NETO1: variants seen among roughly 807,000 people sequenced by gnomAD.
NETO1 encodes neuropilin and tolloid like 1.
A neutral mutation model predicts 61.3 loss-of-function variants in NETO1; 26 were observed. The ratio of observed to expected loss-of-function variants is 0.42; its 90% CI spans 0.31 to 0.59. The LOEUF is 0.59. NETO1 is among the 20% of genes least tolerant of loss of function. The probability of loss-of-function intolerance (pLI) is 0.12; values close to 1 mark genes in which losing one functional copy is unlikely to be tolerated. For synonymous variants in NETO1, 225 were observed against 225.8 expected (o/e 1.00, Z 0.03); for missense variants, 531 against 662.8 (o/e 0.80, Z 2.18).
chr18:72,860,116 C>G (rs1185620286), intron 3 of NETO1, among the ~76,000 whole-genome samples: 1 of 152,184 alleles, frequency 6.6e-6, no homozygotes, highest in East Asian at 1.9e-4. Context: ...TCTGGCATCT[C>G]AGACTTACAT....
intron 7 of NETO1, among the ~76,000 whole-genome samples, chr18:72,769,617 C>T (rs1022681784): frequency 9.9e-5 from 15 of 152,062 alleles, no homozygotes; most frequent in Non-Finnish European, 4.4e-5. Flanking sequence ...GCAAAAATAT[C>T]GTCACCCAAA....
intron 4 of NETO1, among the ~76,000 whole-genome samples, chr18:72,857,805 T>C (rs1008793347): frequency 3.3e-5 from 5 of 152,194 alleles, no homozygotes; most frequent in Non-Finnish European, 7.4e-5. Context: ...AAAACATTCC[T>C]AATGCTTAAA....
intron 4 of NETO1, among the ~76,000 whole-genome samples, chr18:72,801,493 T>C (rs996753327): frequency 6.6e-6 from 1 of 152,204 alleles, no homozygotes; most frequent in Non-Finnish European, 1.5e-5. Context: ...AGTATGTGAA[T>C]GTATTTTCAA....
chr18:72,828,620 T>C (rs897429252), intron 4 of NETO1, among the ~76,000 whole-genome samples: 1 of 152,210 alleles, frequency 6.6e-6, no homozygotes, highest in African/African-American at 2.4e-5. Context: ...TTGAAGTCAC[T>C]GATCTAGAAG....
chr18:72,770,341 A>G (rs1021504696), intron 7 of NETO1, among the ~76,000 whole-genome samples: 1 of 151,886 alleles, frequency 6.6e-6, no homozygotes, highest in Non-Finnish European at 1.5e-5. Context: ...CAACTTTTCC[A>G]TATTTATTTT....
intron 7 of NETO1, among the ~76,000 whole-genome samples, chr18:72,764,827 T>A (rs1019433128): frequency 1.1e-4 from 16 of 152,146 alleles, no homozygotes; most frequent in African/African-American, 3.9e-4. Context: ...CCCTCAGGTG[T>A]TCAGGCGAAA....
intron 4 of NETO1, among the ~76,000 whole-genome samples, chr18:72,837,615 TTATAA>T (rs2073792235): frequency 6.6e-6 from 1 of 152,200 alleles, no homozygotes; most frequent in African/African-American, 2.4e-5. Flanking sequence ...ATTTTCTTAA[TTATAA>T]TATAGGAATA....
intron 7 of NETO1, among the ~76,000 whole-genome samples, chr18:72,758,029 A>C (rs182191774): frequency 6.8e-6 from 1 of 147,962 alleles, no homozygotes; most frequent in Non-Finnish European, 1.5e-5. Context: ...GAGTTGGAAA[A>C]ATTATTATAA....
In NETO1 at chr18:72,842,390, T is replaced by C. The variant is rs532909972; in HGVS notation, c.469+16436A>G. Among the ~76,000 whole-genome samples the C allele has an allele frequency of 2.6e-5, 4 of 152,248 alleles. 1 individual carries two copies. Among genetic ancestry groups the C allele is most frequent in the African/African-American group, 9.6e-5 (4 of 41,552 alleles). ...TTTATAAGCACTGTTATTGCTAATA[T>C]TGATTATTATTTTTGATGGCTAATA... is the stretch of plus-strand genomic sequence containing the variant. On this transcript the variant is annotated intron_variant, in intron 4 of 10. Coordinates refer to ENST00000327305, the MANE Select transcript of NETO1 (RefSeq NM_138966.5).
chr18:72,750,475 T>C lies in NETO1; in HGVS notation c.1128A>G (p.Lys376=). ...KQPRKKYVQR[K]SDFDQTVFQE... ...GGAAAACTGTCTGGTCAAAGTCTGA[T>C]TTCCTTTGGACATACTTTTTACGAG... Residue 376 remains lysine (K), a synonymous_variant, in exon 9 of 11, where the codon AAA becomes AAG. Transcript: ENST00000327305. The C allele has an allele frequency of 6.2e-7, 1 of 1,614,176 alleles. No individual in the cohort carries two copies. Among genetic ancestry groups the C allele is most frequent in the East Asian group, 2.2e-5 (1 of 44,878 alleles).
intron 4 of NETO1, among the ~76,000 whole-genome samples, chr18:72,829,299 C>T (rs922896982): frequency 1.3e-5 from 2 of 152,110 alleles, no homozygotes; most frequent in Admixed American, 1.3e-4. Context: ...AAAATGCAAA[C>T]TTTCCTCAAG....
intron 4 of NETO1, among the ~76,000 whole-genome samples, chr18:72,824,512 A>C (rs1418245810): frequency 6.6e-6 from 1 of 152,244 alleles, no homozygotes; most frequent in Non-Finnish European, 1.5e-5. Flanking sequence ...TCACATGAGA[A>C]TAGTTCCCAA....
At chr18:72,815,767 T>A (rs745636218) in intron 4 of NETO1, among the ~76,000 whole-genome samples, 2 of 152,016 alleles carry the variant, frequency 1.3e-5, no homozygotes, top group Non-Finnish European at 2.9e-5. Context: ...CTGAGTAGGG[T>A]TTGAAAGACT....
At chr18:72,752,731 A>G (rs1216281129) in intron 8 of NETO1, among the ~76,000 whole-genome samples, 25 of 152,198 alleles carry the variant, frequency 1.6e-4, no homozygotes, top group Admixed American at 1.6e-3. Flanking sequence ...CAATATGTCT[A>G]AGGAACTAAA....
At chr18:72,802,366 C>T (rs1482646843) in intron 4 of NETO1, among the ~76,000 whole-genome samples, 2 of 152,134 alleles carry the variant, frequency 1.3e-5, no homozygotes, top group Non-Finnish European at 2.9e-5. Flanking sequence ...GTAAAAGAAA[C>T]CAGGACACTG....
In NETO1 at chr18:72,781,451, G is replaced by A. The variant is rs561444583; in HGVS notation, c.868+2227C>T. 3.9e-5 allele frequency among the ~76,000 whole-genome samples: 6 copies of A among 152,206 alleles called. No individual in the cohort carries two copies. The East Asian group carries it at 1.2e-3, about 29-fold the overall frequency. ...AAAAATTTTCCTCAAGTATTTTGCTGAGATAAAAATGCACTACCTCTAACA... is the reference window on the plus strand; with the variant it reads ...AAAAATTTTCCTCAAGTATTTTGCTAAGATAAAAATGCACTACCTCTAACA... On this transcript the variant is annotated intron_variant, in intron 7 of 10. Transcript: ENST00000327305.
intron 6 of NETO1, among the ~76,000 whole-genome samples, chr18:72,785,473 T>C (rs1331405631): frequency 6.6e-6 from 1 of 152,160 alleles, no homozygotes; most frequent in East Asian, 1.9e-4. Context: ...GCCCCAAAGT[T>C]TACTCTAATA....
chr18:72,859,203 A>G, intron 3 of NETO1, 129 bp from the exon 4 acceptor site: 2 of 920,230 alleles, frequency 2.2e-6, no homozygotes, highest in Non-Finnish European at 1.6e-6. Context: ...ATAGAAATAT[A>G]AAGAAAGCAT....
Position 72,840,209 on chromosome 18 carries a change from A to G in NETO1, c.469+18617T>C, listed in dbSNP as rs1299678294. Among the ~76,000 whole-genome samples, 75 of 152,204 alleles carry G rather than the reference A, an allele frequency of 4.9e-4. 2 individuals carry two copies. Among genetic ancestry groups the G allele is most frequent in the Non-Finnish European group, 2.9e-5 (2 of 68,034 alleles). The stretch of plus-strand genomic sequence containing the variant: ...AGGGACATTCTCCAGTGAGGACACT[A>G]GCTCAGAATAATGTCTGCATGATTG... On this transcript the variant is annotated intron_variant, in intron 4 of 10. Coordinates refer to ENST00000327305, the MANE Select transcript of NETO1 (RefSeq NM_138966.5).
Sources: allele counts gnomAD v4.1 joint callset (sites outside exome capture counted in the v4.1 genomes callset), GRCh38; gene constraint gnomAD v4.1.1; transcripts MANE v1.5; gene names NCBI Gene and HGNC (gene_info 2026-07-23, HGNC 2026-07-21).